Variants in GRID1 observed in about 807,000 individuals in gnomAD.
GRID1 encodes glutamate ionotropic receptor delta type subunit 1, also known as glutamate receptor ionotropic, delta-1.
A neutral mutation model predicts 98.0 loss-of-function variants in GRID1; 28 were observed. The observed-to-expected ratio is 0.29, with a 90% CI of 0.21 to 0.39. GRID1 has a LOEUF of 0.39. Ranked by LOEUF, GRID1 falls within the 10% of genes least tolerant of loss-of-function variation. The pLI is 1.00. For synonymous variants in GRID1, 553 were observed against 538.5 expected (o/e 1.03, Z -0.37); for missense variants, 1,111 against 1,340.5 (o/e 0.83, Z 2.67).
At chr10:86,211,079 G>A (rs928881305) in intron 2 of GRID1, among the ~76,000 whole-genome samples, 1 of 152,076 alleles carries the variant, frequency 6.6e-6, no homozygotes, top group Non-Finnish European at 1.5e-5. Flanking sequence ...TTCTTGGGGG[G>A]GTCAAATAAA....
At chr10:86,297,421 A>G (rs1328429307) in intron 2 of GRID1, among the ~76,000 whole-genome samples, 1 of 152,208 alleles carries the variant, frequency 6.6e-6, no homozygotes, top group Non-Finnish European at 1.5e-5. Context: ...GAGGAAAAGT[A>G]ATTAGTTCAG....
chr10:86,307,968 A>G lies in GRID1; in HGVS notation c.235+55973T>C, dbSNP rs142803026. 7.9e-5 allele frequency among the ~76,000 whole-genome samples: 12 copies of G among 152,334 alleles called. 1 individual carries two copies. The East Asian group carries it at 2.3e-3, about 29-fold the overall frequency. The stretch of plus-strand genomic sequence containing the variant: ...CATATACAATCTCCTGTTTTTAACT[A>G]CAGGCACCATGCTGTGCAGGGGATC... On this transcript the variant is annotated intron_variant, in intron 2 of 15. Transcript: ENST00000327946.
chr10:86,090,172 C>T (rs1227032761), intron 4 of GRID1, among the ~76,000 whole-genome samples: 3 of 151,806 alleles, frequency 2.0e-5, no homozygotes, highest in Non-Finnish European at 4.4e-5. Flanking sequence ...AAACCCAGCA[C>T]TTTGGGAGGT....
At chr10:86,103,356 G>A (rs1303056262) in intron 4 of GRID1, among the ~76,000 whole-genome samples, 3 of 152,206 alleles carry the variant, frequency 2.0e-5, no homozygotes. Context: ...TAGGGCCCAG[G>A]TGGGGAATTC....
At chr10:85,754,097 G>A (rs890798653) in intron 8 of GRID1, among the ~76,000 whole-genome samples, 1 of 152,150 alleles carries the variant, frequency 6.6e-6, no homozygotes, top group Non-Finnish European at 1.5e-5. Context: ...TCACTCATGA[G>A]AGCACTGATC....
intron 2 of GRID1, among the ~76,000 whole-genome samples, chr10:86,339,395 T>C (rs999756112): frequency 6.6e-6 from 1 of 151,146 alleles, no homozygotes; most frequent in Admixed American, 6.6e-5. Context: ...CCATGGGGAG[T>C]GGATTCGGTG....
intron 12 of GRID1, chr10:85,650,021 T>A (rs1024838123): frequency 6.6e-6 from 1 of 152,222 alleles, no homozygotes; most frequent in South Asian, 2.1e-4. Context: ...GGCACTACCA[T>A]CTTATTCCAG....
At chr10:86,077,283 A>ATC (rs905872944) in intron 4 of GRID1, among the ~76,000 whole-genome samples, 7 of 152,062 alleles carry the variant, frequency 4.6e-5, no homozygotes, top group Admixed American at 3.3e-4. Context: ...CTTGCTCCAA[A>ATC]TCACCTACAG....
At chr10:85,668,344 C>A (rs1264788850) in intron 12 of GRID1, among the ~76,000 whole-genome samples, 10 of 152,178 alleles carry the variant, frequency 6.6e-5, no homozygotes, top group Non-Finnish European at 1.2e-4. Flanking sequence ...GTGTGGTTGG[C>A]TACCCTTGTG....
At position 85,646,890 on chromosome 10, in the gene GRID1, T is replaced by C. The variant is rs908273326; in HGVS notation, c.2193+312A>G. The C allele has an allele frequency of 7.1e-5, 26 of 364,910 alleles. No homozygotes were observed. In the Admixed American group the frequency reaches 7.6e-4, roughly 11 times the overall value. 22.6% of individuals were successfully genotyped at this position (364,910 alleles called of 1,614,324 possible). A position where few individuals can be genotyped will look rare whatever the true frequency, so the allele number is the denominator to read the frequency against. ...GGCACTCTGCTACTGCTTTTGCCAA[T>C]TGTTCTCACCTCGGGTGGACAGGCC... On this transcript the variant is annotated intron_variant, in intron 13 of 15. Coordinates refer to ENST00000327946, the MANE Select transcript of GRID1 (RefSeq NM_017551.3).
intron 2 of GRID1, among the ~76,000 whole-genome samples, chr10:86,285,246 G>C (rs544239710): frequency 1.3e-5 from 2 of 152,158 alleles, no homozygotes; most frequent in African/African-American, 4.8e-5. Context: ...AGTTGACAGC[G>C]ATGGCTCTGA....
chr10:86,151,394 G>T (rs891969788), intron 3 of GRID1, among the ~76,000 whole-genome samples: 1 of 151,748 alleles, frequency 6.6e-6, no homozygotes, highest in Non-Finnish European at 1.5e-5. Context: ...TACTATAAAG[G>T]GCTCTGCTCT....
chr10:86,284,700 G>T (rs1320573786), intron 2 of GRID1, among the ~76,000 whole-genome samples: 1 of 152,248 alleles, frequency 6.6e-6, no homozygotes, highest in East Asian at 1.9e-4. Flanking sequence ...AGGCAGAAAA[G>T]CTAAGAGAGC....
At chr10:86,238,035 G>A (rs1312010318) in intron 2 of GRID1, among the ~76,000 whole-genome samples, 1 of 152,198 alleles carries the variant, frequency 6.6e-6, no homozygotes, top group African/African-American at 2.4e-5. Context: ...GGGCTCAGAA[G>A]AAAACAGGAA....
intron 4 of GRID1, among the ~76,000 whole-genome samples, chr10:86,071,850 AGTGGGAGAG>A (rs980494214): frequency 6.6e-6 from 1 of 152,214 alleles, no homozygotes; most frequent in African/African-American, 2.4e-5. Flanking sequence ...TGCCCCAGCC[AGTGGGAGAG>A]GTGGTCAGGA....
At chr10:86,319,687 A>G (rs866661078) in intron 2 of GRID1, among the ~76,000 whole-genome samples, 3 of 152,324 alleles carry the variant, frequency 2.0e-5, no homozygotes, top group Middle Eastern at 3.4e-3. Context: ...GGCTTCCATG[A>G]GATAATCTGG....
At chr10:86,277,434 C>T (rs1178782630) in intron 2 of GRID1, among the ~76,000 whole-genome samples, 1 of 152,062 alleles carries the variant, frequency 6.6e-6, no homozygotes, top group Non-Finnish European at 1.5e-5. Flanking sequence ...AAAAGCCATT[C>T]TTGAATTTTT....
At chr10:86,232,934 G>A (rs1846479139) in intron 2 of GRID1, among the ~76,000 whole-genome samples, 2 of 152,148 alleles carry the variant, frequency 1.3e-5, no homozygotes, top group Admixed American at 1.3e-4. Flanking sequence ...CATTTATGTG[G>A]CTCCTCTAAT....
chr10:86,339,603 C>T (rs375266122), intron 2 of GRID1, among the ~76,000 whole-genome samples: 100 of 152,322 alleles, frequency 6.6e-4, no homozygotes, highest in African/African-American at 2.3e-3. Context: ...ATGTGAGCAG[C>T]CTCACAGGCA....
Sources: allele counts gnomAD v4.1 joint callset (sites outside exome capture counted in the v4.1 genomes callset), GRCh38; gene constraint gnomAD v4.1.1; transcripts MANE v1.5; gene names NCBI Gene and HGNC (gene_info 2026-07-23, HGNC 2026-07-21).